Variants in MASP1 observed in about 807,000 individuals in gnomAD.
The protein encoded by MASP1 is mannan-binding lectin serine protease 1.
A neutral mutation model predicts 77.1 loss-of-function variants in MASP1; 59 were observed. The observed-to-expected ratio is 0.77, with a 90% CI of 0.62 to 0.95. MASP1 has a LOEUF of 0.95. Among genes scored for constraint, MASP1 ranks in the 40% least tolerant of loss-of-function variants. MASP1 has a pLI of 0.00. For missense variants in MASP1, 885 were observed against 912.9 expected (o/e 0.97, Z 0.39); for synonymous variants, 362 against 354.5 (o/e 1.02, Z -0.24).
At position 187,253,033 on chromosome 3, in the gene MASP1, G is replaced by C. The variant is rs539965670; in HGVS notation, c.892+135C>G. On this transcript the variant is annotated intron_variant, in intron 6 of 10. Transcript: ENST00000296280. ...TGAGTCAGGAGAAAGCACGTGCCTT[G>C]GTCCCCAGCTGCTCAACTGGGAGTC... 4.4e-4 allele frequency: 489 copies of C among 1,123,000 alleles called. 3 individuals carry two copies. The South Asian group carries it at 6.1e-3, about 14-fold the overall frequency. The allele number at this position is 1,123,000 out of a possible 1,614,324, so 69.6% of individuals were successfully genotyped here.
chr3:187,267,353 A>C (rs183104058), intron 2 of MASP1, among the ~76,000 whole-genome samples: 50 of 152,232 alleles, frequency 3.3e-4, no homozygotes, highest in African/African-American at 1.2e-3. Context: ...TTGCAGACTT[A>C]ATTTAGGCAG....
chr3:187,279,181 T>C (rs962230672), intron 2 of MASP1, among the ~76,000 whole-genome samples: 21 of 152,370 alleles, frequency 1.4e-4, no homozygotes, highest in Non-Finnish European at 8.8e-5. Flanking sequence ...CTCAAGAACT[T>C]TCAACTTTTC....
intron 2 of MASP1, among the ~76,000 whole-genome samples, chr3:187,267,364 A>G (rs978272583): frequency 4.6e-5 from 7 of 152,198 alleles, no homozygotes; most frequent in African/African-American, 1.7e-4. Flanking sequence ...ATTTAGGCAG[A>G]CATTTAGGGA....
chr3:187,269,550 G>T (rs765578615), intron 2 of MASP1, among the ~76,000 whole-genome samples: 1 of 152,116 alleles, frequency 6.6e-6, no homozygotes, highest in African/African-American at 2.4e-5. Context: ...AAGATCAGAG[G>T]CAAGAGCCAC....
Position 187,285,849 on chromosome 3 carries a change from G to T in MASP1, c.213C>A (p.Tyr71Ter). 1 of 1,614,090 alleles carries T rather than the reference G, an allele frequency of 6.2e-7. No individual in the cohort carries two copies. Among genetic ancestry groups the T allele is most frequent in the Non-Finnish European group, 8.5e-7 (1 of 1,179,946 alleles). Residue 71 changes from tyrosine (Y) to a stop codon, truncating the protein, a stop_gained, in exon 2 of 11, where the codon TAC (tyrosine) becomes TAA (stop). Transcript: ENST00000296280. LOFTEE classifies it high-confidence loss of function. ...YFMHFNLESS[Y>*]LCEYDYVKVE... The stretch of plus-strand genomic sequence containing the variant: ...CCTTCACATAGTCATATTCACAAAG[G>T]TAGGAGGATTCCAAGTTGAAGTGCA...
intron 8 of MASP1, chr3:187,247,373 T>A (rs760321912): frequency 2.5e-6 from 4 of 1,613,834 alleles, no homozygotes; most frequent in Non-Finnish European, 3.4e-6. Flanking sequence ...GCTCTCCAGA[T>A]CGATTTCATT....
At chr3:187,239,270 T>C (rs1187551899) in intron 10 of MASP1, among the ~76,000 whole-genome samples, 1 of 151,876 alleles carries the variant, frequency 6.6e-6, no homozygotes, top group Non-Finnish European at 1.5e-5. Flanking sequence ...AGAGAATTGC[T>C]TGAACCCAGG....
intron 2 of MASP1, among the ~76,000 whole-genome samples, chr3:187,279,166 T>C (rs1216165901): frequency 1.3e-5 from 2 of 152,252 alleles, no homozygotes; most frequent in Admixed American, 1.3e-4. Flanking sequence ...GAAATACGTG[T>C]CTTTCTCAAG....
intron 11 of MASP1, among the ~76,000 whole-genome samples, chr3:187,228,864 G>A (rs1442548408): frequency 6.6e-6 from 1 of 152,164 alleles, no homozygotes; most frequent in African/African-American, 2.4e-5. Context: ...ATGTAGCCCT[G>A]GTGCTTTGGC....
In MASP1 at chr3:187,266,906, T is replaced by C. The variant is rs1427687721; in HGVS notation, c.238-4186A>G. 3.3e-5 allele frequency among the ~76,000 whole-genome samples: 5 copies of C among 152,158 alleles called. No individual in the cohort carries two copies. The East Asian group carries it at 9.6e-4, about 29-fold the overall frequency. ...GACAGCTACTCTATGGAAGAACAGCTACTCTAGGGAAGGACAGCTACTCTC... is the reference window on the plus strand; with the variant it reads ...GACAGCTACTCTATGGAAGAACAGCCACTCTAGGGAAGGACAGCTACTCTC... On this transcript the variant is annotated intron_variant, in intron 2 of 10. Coordinates refer to ENST00000296280, the MANE Select transcript of MASP1 (RefSeq NM_139125.4).
intron 2 of MASP1, among the ~76,000 whole-genome samples, chr3:187,279,357 G>A (rs1717227143): frequency 6.6e-6 from 1 of 152,228 alleles, no homozygotes; most frequent in South Asian, 2.1e-4. Flanking sequence ...ATTGTTGAAG[G>A]CAGGAAGCTG....
chr3:187,275,192 T>C (rs1374028651), intron 2 of MASP1, among the ~76,000 whole-genome samples: 2 of 152,186 alleles, frequency 1.3e-5, no homozygotes, highest in Non-Finnish European at 2.9e-5. Context: ...AGGGTTGCTG[T>C]GTTCTTCTGC....
At chr3:187,290,997 A>C (rs918013418) in intron 1 of MASP1, among the ~76,000 whole-genome samples, 1 of 150,340 alleles carries the variant, frequency 6.7e-6, no homozygotes, top group African/African-American at 2.4e-5. Context: ...TTTTTTAAGT[A>C]TGATATCTCT....
In MASP1 at chr3:187,241,618, AT is replaced by A. The variant is rs1713647935; in HGVS notation, c.1229-64del. 9.3e-6 allele frequency: 10 copies of A among 1,075,332 alleles called. No individual in the cohort carries two copies. The South Asian group carries it at 1.1e-4, about 12-fold the overall frequency. 66.6% of individuals were successfully genotyped at this position (1,075,332 alleles called of 1,614,324 possible). ...ATGGTTGATTTGTAACACATGGAAAATAGATCTGGGTATTTAATTTCTCTAA... is the reference window on the plus strand; with the variant it reads ...ATGGTTGATTTGTAACACATGGAAAAAGATCTGGGTATTTAATTTCTCTAA... On this transcript the variant is annotated intron_variant, in intron 9 of 10. Coordinates refer to ENST00000296280, the MANE Select transcript of MASP1 (RefSeq NM_139125.4).
At chr3:187,252,351 G>A (rs1025942636) in intron 6 of MASP1, among the ~76,000 whole-genome samples, 2 of 152,206 alleles carry the variant, frequency 1.3e-5, no homozygotes, top group Admixed American at 1.3e-4. Flanking sequence ...GACCCAAATT[G>A]CTCTTTCTTC....
intron 2 of MASP1, 96 bp downstream of exon 2, chr3:187,285,729 T>C: frequency 1.0e-6 from 1 of 975,876 alleles, no homozygotes; most frequent in Non-Finnish European, 1.6e-6. Context: ...TGTGTCTCTC[T>C]TACTATATGC....
At chr3:187,263,108 T>G (rs564034062) in intron 2 of MASP1, 1 of 264,840 alleles carries the variant, frequency 3.8e-6, no homozygotes, top group Non-Finnish European at 7.3e-6. Flanking sequence ...TATAAGTCAT[T>G]CATTGAGTAT....
At chr3:187,233,448 C>T (rs896576107), downstream of MASP1, among the ~76,000 whole-genome samples, 1 of 152,190 alleles carries the variant, frequency 6.6e-6, no homozygotes, top group Admixed American at 6.5e-5. Context: ...CAAAGCTATT[C>T]CAAGCCCCTC....
intron 2 of MASP1, among the ~76,000 whole-genome samples, chr3:187,270,499 C>A (rs1305363607): frequency 2.6e-5 from 4 of 152,124 alleles, no homozygotes; most frequent in Non-Finnish European, 4.4e-5. Flanking sequence ...AGTAATTTAA[C>A]ATCCACTGAC....
Sources: gnomAD v4.1 joint callset for allele counts (sites outside exome capture counted in the v4.1 genomes callset) on GRCh38, gnomAD v4.1.1 for gene constraint, MANE v1.5 for transcripts, NCBI Gene and HGNC (gene_info 2026-07-23, HGNC 2026-07-21) for gene names.